The following ATP9A variants were observed in gnomAD, a reference collection of about 807,000 sequenced individuals.
ATP9A encodes the protein probable phospholipid-transporting ATPase IIA.
A neutral mutation model predicts 144.1 loss-of-function variants in ATP9A; 52 were observed. The ratio of observed to expected loss-of-function variants is 0.36; its 90% CI spans 0.29 to 0.45. The LOEUF (loss-of-function observed/expected upper bound fraction) is 0.45, where lower values mean the gene tolerates loss of function less well. Among genes scored for constraint, ATP9A ranks in the 20% least tolerant of loss-of-function variants. ATP9A has a pLI of 1.00. For missense variants in ATP9A, 947 were observed against 1,392.7 expected (o/e 0.68, Z 5.09); for synonymous variants, 582 against 557.4 (o/e 1.04, Z -0.62).
intron 13 of ATP9A, among the ~76,000 whole-genome samples, chr20:51,669,211 G>C (rs1312003895): frequency 6.6e-6 from 1 of 152,088 alleles, no homozygotes; most frequent in Admixed American, 6.6e-5. Context: ...AATCTCCAGG[G>C]TATCAAGCCC....
chr20:51,658,516 C>CT (rs35371153), intron 13 of ATP9A, among the ~76,000 whole-genome samples: 43,485 of 106,586 alleles, frequency 0.41, 10,492 homozygotes, highest in East Asian at 0.43. Context: ...CCTATGCTTC[C>CT]TTTTTTTTTT....
intron 13 of ATP9A, among the ~76,000 whole-genome samples, chr20:51,663,071 C>CA (rs891217903): frequency 1.9e-4 from 28 of 149,978 alleles, no homozygotes; most frequent in South Asian, 4.2e-4. Flanking sequence ...AACTCCATCT[C>CA]AAAAAAAAAC....
intron 1 of ATP9A, among the ~76,000 whole-genome samples, chr20:51,740,349 C>A (rs1205486591): frequency 2.7e-5 from 4 of 150,880 alleles, no homozygotes; most frequent in Admixed American, 2.6e-4. Flanking sequence ...TGAGCCACCA[C>A]GCCCCAGCCA....
chr20:51,734,919 G>A (rs1190277215), intron 1 of ATP9A: 1 of 214,514 alleles, frequency 4.7e-6, no homozygotes, highest in African/African-American at 2.3e-5. Context: ...CTCCAAACTT[G>A]GGACGCATGC....
At chr20:51,625,118 G>A (rs533164831) in intron 18 of ATP9A, 74 bp downstream of exon 18, 2 of 1,455,608 alleles carry the variant, frequency 1.4e-6, no homozygotes, top group Admixed American at 1.9e-5. Flanking sequence ...CTTTCCCCCT[G>A]TGATCTCCCT....
intron 14 of ATP9A, among the ~76,000 whole-genome samples, chr20:51,649,592 G>A (rs2077355366): frequency 6.6e-6 from 1 of 152,176 alleles, no homozygotes; most frequent in Non-Finnish European, 1.5e-5. Context: ...CCTTTGAGGA[G>A]GCTGAGGTGC....
At position 51,619,027 on chromosome 20, in the gene ATP9A, T is replaced by A; in HGVS notation, c.2132A>T (p.Glu711Val). The A allele has an allele frequency of 6.2e-7, 1 of 1,613,818 alleles. No homozygotes were observed. The highest frequency in any genetic ancestry group is 1.3e-5 in the African/African-American group (1 of 74,898). The part of the protein sequence containing the change: ...HVFRLVTNRG[E>V]AHLELNAFRR... ...GAAGGCGTTCAGCTCGAGGTGAGCC[T>A]CCCCGCGGTTGGTCACCTGGAAGGG... The change falls in exon 20 of 28, where the codon GAG becomes GTG. Residue 711 changes from glutamate to valine, a missense_variant. This residue lies in a region of ATP9A where 770 missense variants were observed against 1,047.9 expected (regional missense o/e 0.73). Coordinates refer to ENST00000338821, the MANE Select transcript of ATP9A (RefSeq NM_006045.3).
intron 21 of ATP9A, among the ~76,000 whole-genome samples, 193 bp from the exon 22 acceptor site, chr20:51,617,747 A>G (rs2077209133): frequency 6.6e-6 from 1 of 152,132 alleles, no homozygotes; most frequent in Non-Finnish European, 1.5e-5. Flanking sequence ...AGTGTCAGAG[A>G]GCCCAGGCGG....
In ATP9A at chr20:51,601,227, G is replaced by T. The variant is rs748286819; in HGVS notation, c.3128C>A (p.Ser1043Ter). 6.2e-7 allele frequency: 1 copy of T among 1,613,018 alleles called. No homozygotes were observed. Among genetic ancestry groups the T allele is most frequent in the African/African-American group, 1.3e-5 (1 of 74,890 alleles). ...ACGCACGGCCTATGATGTGAGCTTT[G>T]AGTAGCTGGGGGGAGAGAACCGTCT... is the stretch of plus-strand genomic sequence containing the variant. ...LRRRFSPPSY[S>*]KLTS is the part of the protein sequence containing the mutation. Residue 1043 changes from serine (S) to a stop codon, truncating the protein, a stop_gained, in exon 28 of 28, where the codon TCA becomes TAA. Coordinates refer to ENST00000338821, the MANE Select transcript of ATP9A (RefSeq NM_006045.3). LOFTEE classifies it high-confidence loss of function.
intron 18 of ATP9A, among the ~76,000 whole-genome samples, chr20:51,623,438 G>A (rs570447629): frequency 7.2e-5 from 11 of 152,240 alleles, no homozygotes; most frequent in African/African-American, 2.2e-4. Flanking sequence ...GAATGGAGAC[G>A]CCTCACTTAG....
chr20:51,678,651 G>A (rs1018258316), intron 9 of ATP9A, among the ~76,000 whole-genome samples: 26 of 152,154 alleles, frequency 1.7e-4, no homozygotes, highest in African/African-American at 5.5e-4. Flanking sequence ...AGTGGGAACC[G>A]AGCCCGGGCT....
chr20:51,614,051 A>G (rs2077194199), intron 22 of ATP9A, among the ~76,000 whole-genome samples: 1 of 152,248 alleles, frequency 6.6e-6, no homozygotes, highest in Non-Finnish European at 1.5e-5. Context: ...ACATATAGTT[A>G]TAATTTGGAC....
chr20:51,659,771 A>C (rs948611782), intron 13 of ATP9A, among the ~76,000 whole-genome samples: 2 of 152,236 alleles, frequency 1.3e-5, no homozygotes, highest in African/African-American at 4.8e-5. Context: ...TTAATTTTTT[A>C]ATACTATTTT....
chr20:51,662,354 G>C (rs916575791), intron 13 of ATP9A, among the ~76,000 whole-genome samples: 2 of 152,062 alleles, frequency 1.3e-5, no homozygotes, highest in African/African-American at 4.8e-5. Context: ...AGACCAGCCT[G>C]GCCAACAGAG....
rs1013286120 is a variant in ATP9A at position 51,600,919 on chromosome 20, G to A, written c.*292C>T. On this transcript the variant is annotated 3_prime_UTR_variant, in exon 28 of 28. Coordinates refer to ENST00000338821, the MANE Select transcript of ATP9A (RefSeq NM_006045.3). ...CAAAATTCAAGTCATAAGGAAGCTC[G>A]CACAGTGACCCATATAAATCTCCCA... 4 of 244,220 alleles carry A rather than the reference G, an allele frequency of 1.6e-5. No individual in the cohort carries two copies. Among genetic ancestry groups the A allele is most frequent in the Non-Finnish European group, 1.6e-5 (2 of 127,232 alleles). The allele number at this position is 244,220 out of a possible 1,614,324, so 15.1% of individuals were successfully genotyped here.
intron 14 of ATP9A, among the ~76,000 whole-genome samples, chr20:51,645,613 TTTCC>T (rs1439630160): frequency 2.6e-5 from 4 of 152,232 alleles, no homozygotes; most frequent in Non-Finnish European, 5.9e-5. Flanking sequence ...GCAGGAAGTC[TTTCC>T]TTCTCCCCTT....
intron 19 of ATP9A, among the ~76,000 whole-genome samples, chr20:51,620,333 G>T (rs1181312281): frequency 6.6e-6 from 1 of 152,294 alleles, no homozygotes; most frequent in South Asian, 2.1e-4. Context: ...AGAACAGACA[G>T]TCAATTCTCA....
At chr20:51,740,401 A>G (rs763866736) in intron 1 of ATP9A, among the ~76,000 whole-genome samples, 17 of 148,060 alleles carry the variant, frequency 1.1e-4, no homozygotes, top group Non-Finnish European at 1.3e-4. Context: ...GCCACTATCT[A>G]AAATCTTTTA....
intron 14 of ATP9A, among the ~76,000 whole-genome samples, chr20:51,651,058 ATG>A (rs1293246576): frequency 6.7e-6 from 1 of 149,952 alleles, no homozygotes; most frequent in East Asian, 2.0e-4. Context: ...GGAAAGCCAT[ATG>A]ACTTTCTAAA....
Sources: gnomAD v4.1 joint callset for allele counts (sites outside exome capture counted in the v4.1 genomes callset) on GRCh38, gnomAD v4.1.1 for gene constraint, gnomAD v4.1.1 regional missense constraint, MANE v1.5 for transcripts, NCBI Gene and HGNC (gene_info 2026-07-23, HGNC 2026-07-21) for gene names.